Variants in ARIH1 observed in about 807,000 individuals in gnomAD.
The protein encoded by ARIH1 is E3 ubiquitin-protein ligase ARIH1.
ARIH1 carries 8 observed loss-of-function variants against 85.0 expected under a neutral mutation model. That is an observed-to-expected ratio of 0.09 (90% CI 0.06 to 0.17). The LOEUF (loss-of-function observed/expected upper bound fraction) is 0.17. ARIH1 is among the 10% of genes least tolerant of loss of function. The pLI is 1.00. For synonymous variants in ARIH1, 238 were observed against 253.6 expected (o/e 0.94, Z 0.59); for missense variants, 311 against 718.1 (o/e 0.43, Z 6.48).
At chr15:72,569,034 T>A (rs985686315) in intron 9 of ARIH1, among the ~76,000 whole-genome samples, 4 of 152,090 alleles carry the variant, frequency 2.6e-5, no homozygotes, top group Admixed American at 1.3e-4. Context: ...TGAGGCCAGG[T>A]GCAGTGGCTC....
chr15:72,533,784 G>A lies in ARIH1; in HGVS notation c.444-11036G>A, dbSNP rs116213726. On this transcript the variant is annotated intron_variant, in intron 2 of 13. Transcript: ENST00000379887. ...TAGCTATGCATGGTGGCATCTGCTT[G>A]TAGTCCCAGCTACTCAGGAGGCTGA... 3.2e-3 allele frequency among the ~76,000 whole-genome samples: 483 copies of A among 152,230 alleles called. 3 individuals are homozygous for A. Among genetic ancestry groups the A allele is most frequent in the African/African-American group, 0.011 (464 of 41,528 alleles).
At chr15:72,538,887 A>C (rs1025487246) in intron 2 of ARIH1, among the ~76,000 whole-genome samples, 5 of 152,246 alleles carry the variant, frequency 3.3e-5, no homozygotes, top group African/African-American at 4.8e-5. Context: ...ATTATTGTCT[A>C]TATGAAAATC....
intron 1 of ARIH1, among the ~76,000 whole-genome samples, chr15:72,487,112 T>G (rs538432764): frequency 4.7e-4 from 71 of 152,258 alleles, no homozygotes; most frequent in Non-Finnish European, 9.3e-4. Flanking sequence ...TGTTGTGTAG[T>G]ATTGTTCTTT....
chr15:72,595,713 G>A lies in ARIH1; in HGVS notation c.*12421G>A, dbSNP rs1431459697. On this transcript the variant is annotated 3_prime_UTR_variant, in exon 14 of 14. Transcript: ENST00000379887. Reference sequence around the variant, plus strand: ...GCCCAGATTGATCTGGAACTGCTAGGCTCAAGTGATCTTCCTGCCTTGCAC... The same window carrying A: ...GCCCAGATTGATCTGGAACTGCTAGACTCAAGTGATCTTCCTGCCTTGCAC... 6.6e-6 allele frequency: 1 copy of A among 151,820 alleles called. No homozygotes were observed. The highest frequency in any genetic ancestry group is 1.5e-5 in the Non-Finnish European group (1 of 68,006). The allele number at this position is 151,820 out of a possible 1,614,324, so 9.4% of individuals were successfully genotyped here. A position where few individuals can be genotyped will look rare whatever the true frequency, so the allele number is the denominator to read the frequency against.
intron 2 of ARIH1, among the ~76,000 whole-genome samples, chr15:72,538,729 A>T (rs1009890717): frequency 2.6e-5 from 4 of 152,228 alleles, no homozygotes; most frequent in Non-Finnish European, 5.9e-5. Context: ...AAAAATTAAG[A>T]TTCAAATATT....
rs1567358124 is a variant in ARIH1, at chr15:72,567,185, T to A, written c.1026+8T>A. 1 of 1,604,454 alleles carries A rather than the reference T, an allele frequency of 6.2e-7. No individual in the cohort carries two copies. The highest frequency in any genetic ancestry group is 8.5e-7 in the Non-Finnish European group (1 of 1,174,548). ...ATTGCAGCCAACACAAAGGTTGGTG[T>A]TTTCCTTCAGTAACTCTTGGTAATA... On this transcript the variant is annotated splice_region_variant and intron_variant, in intron 9 of 13. Coordinates refer to ENST00000379887, the MANE Select transcript of ARIH1 (RefSeq NM_005744.5).
chr15:72,534,470 T>C lies in ARIH1; in HGVS notation c.444-10350T>C, dbSNP rs558782120. Among the ~76,000 whole-genome samples, 57 of 152,336 alleles carry C rather than the reference T, an allele frequency of 3.7e-4. 1 individual carries two copies. The highest frequency in any genetic ancestry group is 3.4e-3 in the Middle Eastern group (1 of 294). ...GTGTTATTGCAAAATAAAAATCATT[T>C]TAAAACACATATACACAGACATAGG... On this transcript the variant is annotated intron_variant, in intron 2 of 13. Transcript: ENST00000379887.
At chr15:72,510,653 T>A (rs1196933786) in intron 1 of ARIH1, among the ~76,000 whole-genome samples, 1 of 134,666 alleles carries the variant, frequency 7.4e-6, no homozygotes, top group East Asian at 2.1e-4. Context: ...AGCAGAATGA[T>A]GTGAATCCGG....
intron 11 of ARIH1, among the ~76,000 whole-genome samples, chr15:72,580,355 A>G (rs956438390): frequency 1.3e-5 from 2 of 152,154 alleles, no homozygotes; most frequent in African/African-American, 2.4e-5. Context: ...CATGGATTCC[A>G]TGTCTTGGCT....
rs1421112818 is a variant in ARIH1 at position 72,594,676 on chromosome 15, G to A, written c.*11384G>A. On this transcript the variant is annotated 3_prime_UTR_variant, in exon 14 of 14. Coordinates refer to ENST00000379887, the MANE Select transcript of ARIH1 (RefSeq NM_005744.5). The stretch of plus-strand genomic sequence containing the variant: ...GATTTTTGTATGCTGATCTTGAATC[G>A]TGCCACCTTGCTAAATTCATTTATT... The A allele has an allele frequency of 3.3e-5, 5 of 152,060 alleles. No individual in the cohort carries two copies. Among genetic ancestry groups the A allele is most frequent in the East Asian group, 3.9e-4 (2 of 5,168 alleles). 9.4% of individuals were successfully genotyped at this position (152,060 alleles called of 1,614,324 possible).
chr15:72,597,264 C>T lies in ARIH1; in HGVS notation c.*13972C>T, dbSNP rs927674154. 2 of 151,602 alleles carry T rather than the reference C, an allele frequency of 1.3e-5. No homozygotes were observed. The highest frequency in any genetic ancestry group is 4.9e-5 in the African/African-American group (2 of 41,228). The allele number at this position is 151,602 out of a possible 1,614,324, so 9.4% of individuals were successfully genotyped here. On this transcript the variant is annotated 3_prime_UTR_variant, in exon 14 of 14. Coordinates refer to ENST00000379887, the MANE Select transcript of ARIH1 (RefSeq NM_005744.5). Reference sequence around the variant, plus strand: ...AGTTTTAGTTTGATTCAGTTTGCCTCTAGCTTCAAATATTTGAAGGAACGT... The same window carrying T: ...AGTTTTAGTTTGATTCAGTTTGCCTTTAGCTTCAAATATTTGAAGGAACGT...
chr15:72,487,014 C>T (rs1011161033), intron 1 of ARIH1, among the ~76,000 whole-genome samples: 3 of 151,712 alleles, frequency 2.0e-5, no homozygotes, highest in Non-Finnish European at 4.4e-5. Flanking sequence ...GGTTTTAAGG[C>T]CAAAAGTTTG....
chr15:72,576,365 G>T (rs1247934414), intron 11 of ARIH1, among the ~76,000 whole-genome samples: 1 of 151,924 alleles, frequency 6.6e-6, no homozygotes, highest in Non-Finnish European at 1.5e-5. Flanking sequence ...AATTAGCTGG[G>T]CGTGGTGGCG....
intron 2 of ARIH1, among the ~76,000 whole-genome samples, chr15:72,542,608 C>T (rs1244947179): frequency 6.6e-6 from 1 of 152,054 alleles, no homozygotes; most frequent in Non-Finnish European, 1.5e-5. Context: ...AAAATGTAGA[C>T]ATTTAAAGAC....
intron 8 of ARIH1, 46 bp from the exon 9 acceptor site, chr15:72,567,060 T>C: frequency 1.4e-6 from 2 of 1,459,004 alleles, no homozygotes; most frequent in South Asian, 2.4e-5. Context: ...ATTTGCTATT[T>C]TTAAAAGTCT....
chr15:72,571,649 A>C (rs2064247846), intron 10 of ARIH1, among the ~76,000 whole-genome samples: 1 of 152,204 alleles, frequency 6.6e-6, no homozygotes, highest in South Asian at 2.1e-4. Flanking sequence ...TGTGGTTTAT[A>C]AAAGAGCAGA....
intron 1 of ARIH1, among the ~76,000 whole-genome samples, chr15:72,514,001 G>C (rs894406269): frequency 2.0e-5 from 3 of 150,572 alleles, no homozygotes; most frequent in African/African-American, 4.9e-5. Context: ...ACCACGCCCA[G>C]CTAATTTTTT....
intron 2 of ARIH1, among the ~76,000 whole-genome samples, chr15:72,520,667 G>GT (rs1165883823): frequency 2.0e-5 from 3 of 151,850 alleles, no homozygotes; most frequent in Non-Finnish European, 2.9e-5. Context: ...TTCTATTTCA[G>GT]TTTTTCTAGT....
At chr15:72,566,416 A>G in intron 7 of ARIH1, 147 bp from the exon 8 acceptor site, 1 of 692,750 alleles carries the variant, frequency 1.4e-6, no homozygotes, top group South Asian at 1.7e-5. Flanking sequence ...TTAACTGTAA[A>G]GCAGACATGG....
Sources: gnomAD v4.1 joint callset for allele counts (sites outside exome capture counted in the v4.1 genomes callset) on GRCh38, gnomAD v4.1.1 for gene constraint, MANE v1.5 for transcripts, NCBI Gene and HGNC (gene_info 2026-07-23, HGNC 2026-07-21) for gene names.